Variants in DUOX2 observed in about 807,000 individuals in gnomAD.
DUOX2 encodes dual oxidase 2.
DUOX2 carries 185 observed loss-of-function variants against 183.3 expected under a neutral mutation model. The observed-to-expected ratio is 1.01, with a 90% CI of 0.90 to 1.14. The LOEUF (loss-of-function observed/expected upper bound fraction) is 1.14, where lower values mean the gene tolerates loss of function less well. Ranked by LOEUF, DUOX2 falls within the 50% of genes most tolerant of loss-of-function variation. DUOX2 has a pLI of 0.00. For missense variants in DUOX2, 1,999 were observed against 2,022.9 expected, an observed-to-expected ratio of 0.99 and a Z score of 0.23; for synonymous variants, 788 against 812.4, an observed-to-expected ratio of 0.97 and a Z score of 0.51.
At position 45,111,888 on chromosome 15, in the gene DUOX2, G is replaced by A. The variant is rs770099867; in HGVS notation, c.393C>T (p.Ile131=). The change falls in exon 5 of 34, where the codon ATC becomes ATT. Residue 131 remains isoleucine (I), a synonymous_variant. Coordinates refer to ENST00000389039, the MANE Select transcript of DUOX2 (RefSeq NM_001363711.2). ...TPGCPAEFLN[I]RIPPGDPVFD... ...ACACGGGGTCTCCAGGTGGGATGCG[G>A]ATGTTGAGGAACTCGGCGGGGCAAC... 4.4e-5 allele frequency: 71 copies of A among 1,613,932 alleles called. No homozygotes were observed. Among genetic ancestry groups the A allele is most frequent in the Non-Finnish European group, 5.7e-5 (67 of 1,180,012 alleles).
intron 9 of DUOX2, 42 bp downstream of exon 9, chr15:45,110,386 C>T: frequency 6.3e-7 from 1 of 1,577,170 alleles, no homozygotes; most frequent in Non-Finnish European, 8.7e-7. Flanking sequence ...CATTCTGCAC[C>T]TTTCTTAGTG....
chr15:45,093,781 C>T lies in DUOX2; in HGVS notation c.*369G>A, dbSNP rs949896140. ...TGTCACAAGCAGGGACTGTCTCCTC[C>T]CCACTTTGCTTGCCACGCCTGCCAT... On this transcript the variant is annotated 3_prime_UTR_variant, in exon 34 of 34. Coordinates refer to ENST00000389039, the MANE Select transcript of DUOX2 (RefSeq NM_001363711.2). 1 of 306,008 alleles carries T rather than the reference C, an allele frequency of 3.3e-6. No individual in the cohort carries two copies. Among genetic ancestry groups the T allele is most frequent in the Non-Finnish European group, 6.4e-6 (1 of 156,156 alleles). 19.0% of individuals were successfully genotyped at this position (306,008 alleles called of 1,614,324 possible).
intron 18 of DUOX2, among the ~76,000 whole-genome samples, chr15:45,105,201 T>C (rs1894180474): frequency 6.6e-6 from 1 of 152,230 alleles, no homozygotes; most frequent in Non-Finnish European, 1.5e-5. Context: ...TTTTCAAACA[T>C]TAGAGTGTAT....
At chr15:45,094,331 G>A (rs532665205) in intron 33 of DUOX2, 59 bp from the exon 34 acceptor site, 15 of 1,612,002 alleles carry the variant, frequency 9.3e-6, no homozygotes, top group East Asian at 2.2e-5. Context: ...ACTCTCCTTG[G>A]GAAAAGCTGC....
At chr15:45,101,126 G>T in intron 22 of DUOX2, 79 bp downstream of exon 22, 1 of 1,324,236 alleles carries the variant, frequency 7.6e-7, no homozygotes, top group Non-Finnish European at 1.1e-6. Context: ...ACCAGGGGCT[G>T]ATCAGCCAGT....
chr15:45,113,429 C>T lies in DUOX2; in HGVS notation c.-14-4G>A, dbSNP rs749925690. On this transcript the variant is annotated splice_polypyrimidine_tract_variant and splice_region_variant and intron_variant, in intron 1 of 33. Transcript: ENST00000389039. ...CGGAGCATGCCAACCCTGCAGCCTG[C>T]GGGGTGAGGGTGGGGGTGGTAGGTG... The T allele has an allele frequency of 1.9e-6, 3 of 1,554,544 alleles. No homozygotes were observed. The highest frequency in any genetic ancestry group is 2.6e-6 in the Non-Finnish European group (3 of 1,148,820).
At position 45,111,961 on chromosome 15, in the gene DUOX2, G is replaced by C; in HGVS notation, c.326-6C>G. The stretch of plus-strand genomic sequence containing the variant: ...GTCGGAAAGAACATGGTAGCCTGCG[G>C]GCATGGGGCGCCAATACGTGACAAA... On this transcript the variant is annotated splice_polypyrimidine_tract_variant and splice_region_variant and intron_variant, in intron 4 of 33. Coordinates refer to ENST00000389039, the MANE Select transcript of DUOX2 (RefSeq NM_001363711.2). The C allele has an allele frequency of 6.2e-7, 1 of 1,613,200 alleles. No individual in the cohort carries two copies. Among genetic ancestry groups the C allele is most frequent in the Non-Finnish European group, 8.5e-7 (1 of 1,179,876 alleles).
Position 45,099,387 on chromosome 15 carries a change from C to T in DUOX2, c.3511G>A (p.Asp1171Asn). 1.9e-6 allele frequency: 3 copies of T among 1,613,832 alleles called. No individual in the cohort carries two copies. Among genetic ancestry groups the T allele is most frequent in the Non-Finnish European group, 2.5e-6 (3 of 1,179,758 alleles). Reference protein sequence around the residue: ...ACIFPNVFVNDGSKLPQKFYW... With the variant: ...ACIFPNVFVNNGSKLPQKFYW... The stretch of plus-strand genomic sequence containing the variant: ...GAAACCATCCCCAGAACTGACCCAT[C>T]ATTCACAAAGACGTTGGGGAATATG... The change falls in exon 26 of 34, where the codon GAT (aspartate) becomes AAT (asparagine). Residue 1171 changes from aspartate (D) to asparagine (N), a missense_variant. By Grantham distance (23) the Asp-to-Asn change is conservative. Coordinates refer to ENST00000389039, the MANE Select transcript of DUOX2 (RefSeq NM_001363711.2).
chr15:45,093,639 TC>T lies in DUOX2; in HGVS notation c.*510del, dbSNP rs1893815708. 1.1e-5 allele frequency: 2 copies of T among 174,096 alleles called. No homozygotes were observed. Among genetic ancestry groups the T allele is most frequent in the Non-Finnish European group, 2.5e-5 (2 of 80,488 alleles). The allele number at this position is 174,096 out of a possible 1,614,324, so 10.8% of individuals were successfully genotyped here. A position where few individuals can be genotyped will look rare whatever the true frequency, so the allele number is the denominator to read the frequency against. On this transcript the variant is annotated 3_prime_UTR_variant, in exon 34 of 34. Coordinates refer to ENST00000389039, the MANE Select transcript of DUOX2 (RefSeq NM_001363711.2). The stretch of plus-strand genomic sequence containing the variant: ...CAGCCAGAGGATCCCAGCCTCCTCC[TC>T]CCTCAAATGTCAGTCCAAGCAAATA...
chr15:45,098,161 G>T (rs972086952), intron 26 of DUOX2, 103 bp from the exon 27 acceptor site: 1 of 1,138,878 alleles, frequency 8.8e-7, no homozygotes, highest in Non-Finnish European at 1.3e-6. Context: ...ACTGCTGAGG[G>T]TATGGGGCCT....
chr15:45,106,611 T>C lies in DUOX2; in HGVS notation c.1862A>G (p.Tyr621Cys). 1 of 1,614,142 alleles carries C rather than the reference T, an allele frequency of 6.2e-7. No homozygotes were observed. Among genetic ancestry groups the C allele is most frequent in the Non-Finnish European group, 8.5e-7 (1 of 1,180,040 alleles). Residue 621 changes from tyrosine to cysteine, a missense_variant, in exon 16 of 34, where the codon TAT (tyrosine) becomes TGT (cysteine). Tyr to Cys is a radical substitution (Grantham distance 194). Coordinates refer to ENST00000389039, the MANE Select transcript of DUOX2 (RefSeq NM_001363711.2). ...CTTCTTGTGTTCTCGGCCCCGGAAA[T>C]AGGCCACCACTCCAGAGAGAAGCAG... ...VSLLLSGVVA[Y>C]FRGREHKKLQ...
rs778011269 is a variant in DUOX2 at position 45,097,726 on chromosome 15, A to G, written c.3581T>C (p.Leu1194Pro). ...CATGATGGCCAGGACCAGGAGCAGA[A>G]GCACACCTGTCATACCTGGGGGCAG... ...FQTVPGMTGV[L>P]LLLVLAIMYV... The change falls in exon 28 of 34, where the codon CTT (leucine) becomes CCT (proline). Residue 1194 changes from leucine to proline, a missense_variant. Leu to Pro is a moderately conservative substitution (Grantham distance 98). Around this residue, in one of 3 missense-constraint regions of DUOX2, gnomAD observed 1,628 missense variants for 1,608.6 expected, o/e 1.01. Transcript: ENST00000389039. The G allele has an allele frequency of 6.2e-7, 1 of 1,614,240 alleles. No individual in the cohort carries two copies. Among genetic ancestry groups the G allele is most frequent in the Non-Finnish European group, 8.5e-7 (1 of 1,180,032 alleles).
At chr15:45,106,995 C>A in intron 14 of DUOX2, 26 bp from the exon 15 acceptor site, 1 of 1,565,192 alleles carries the variant, frequency 6.4e-7, no homozygotes, top group South Asian at 1.2e-5. Context: ...GGGAAGACCT[C>A]AAAGTCTGAG....
chr15:45,103,873 C>T, intron 20 of DUOX2, 87 bp downstream of exon 20: 1 of 1,407,184 alleles, frequency 7.1e-7, no homozygotes, highest in Non-Finnish European at 1.0e-6. Flanking sequence ...ACCACAGAGC[C>T]TCTTTGCCAG....
At chr15:45,098,217 C>T (rs1176751282) in intron 26 of DUOX2, among the ~76,000 whole-genome samples, 159 bp from the exon 27 acceptor site, 2 of 152,230 alleles carry the variant, frequency 1.3e-5, no homozygotes, top group Non-Finnish European at 2.9e-5. Flanking sequence ...GGCACCCAGG[C>T]TTCCATGGTT....
intron 12 of DUOX2, 22 bp downstream of exon 12, chr15:45,108,767 T>C (rs1415167823): frequency 6.2e-7 from 1 of 1,613,776 alleles, no homozygotes; most frequent in South Asian, 1.1e-5. Context: ...TAGCTGCCAT[T>C]ATTATCATTA....
intron 33 of DUOX2, 133 bp from the exon 34 acceptor site, chr15:45,094,405 G>T: frequency 6.5e-7 from 1 of 1,531,248 alleles, no homozygotes; most frequent in Non-Finnish European, 8.9e-7. Flanking sequence ...GGCTTAACGT[G>T]GAGGGGGTGG....
intron 28 of DUOX2, 74 bp from the exon 29 acceptor site, chr15:45,097,465 T>A (rs1196919775): frequency 8.7e-6 from 14 of 1,611,468 alleles, no homozygotes; most frequent in Non-Finnish European, 1.2e-5. Flanking sequence ...GCCCAGGCAC[T>A]AGGCCTGTGC....
intron 23 of DUOX2, 120 bp downstream of exon 23, chr15:45,100,635 G>T: frequency 2.2e-6 from 2 of 895,514 alleles, no homozygotes. Context: ...GTCAGGTCAG[G>T]AACAAATGGA....
Sources: gnomAD v4.1 joint callset for allele counts (sites outside exome capture counted in the v4.1 genomes callset) on GRCh38, gnomAD v4.1.1 for gene constraint, gnomAD v4.1.1 regional missense constraint, MANE v1.5 for transcripts, NCBI Gene and HGNC (gene_info 2026-07-23, HGNC 2026-07-21) for gene names.